PTPRT: variants seen among roughly 807,000 people sequenced by gnomAD.
PTPRT encodes the protein protein tyrosine phosphatase receptor type T.
A neutral mutation model predicts 176.8 loss-of-function variants in PTPRT; 56 were observed. The ratio of observed to expected loss-of-function variants is 0.32; its 90% CI spans 0.26 to 0.40. PTPRT has a LOEUF of 0.40. Among genes scored for constraint, PTPRT ranks in the 10% least tolerant of loss-of-function variants. The pLI is 1.00. For synonymous variants in PTPRT, 783 were observed against 739.0 expected, an observed-to-expected ratio of 1.06 and a Z score of -0.96; for missense variants, 1,540 against 1,908.2, an observed-to-expected ratio of 0.81 and a Z score of 3.60.
At chr20:42,345,364 TATAC>T (rs746322735) in intron 11 of PTPRT, among the ~76,000 whole-genome samples, 1,350 of 92,928 alleles carry the variant, frequency 0.015, 23 homozygotes, top group Non-Finnish European at 0.019. Flanking sequence ...TGAAGGCATA[TATAC>T]ACACACACAC....
intron 2 of PTPRT, among the ~76,000 whole-genome samples, chr20:42,871,191 A>C: frequency 6.6e-6 from 1 of 151,798 alleles, no homozygotes; most frequent in Middle Eastern, 3.2e-3. Flanking sequence ...ACCTCAGGTG[A>C]TCTGCCCACC....
intron 1 of PTPRT, among the ~76,000 whole-genome samples, chr20:43,064,850 G>A (rs1026072074): frequency 1.3e-5 from 2 of 152,156 alleles, no homozygotes; most frequent in African/African-American, 2.4e-5. Flanking sequence ...GATCCAACAG[G>A]CCGATAAATC....
rs375342770 is a variant in PTPRT, at chr20:43,127,219, G to T, written c.88+62427C>A. 2.0e-5 allele frequency among the ~76,000 whole-genome samples: 3 copies of T among 151,958 alleles called. No individual in the cohort carries two copies. In the East Asian group the frequency reaches 5.8e-4, roughly 29 times the overall value. On this transcript the variant is annotated intron_variant, in intron 1 of 30. Transcript: ENST00000373187. ...CGGGCGGATCACAAGGTCAGGAGAT[G>T]GAGACCATCCTGGCTAACATGGTGA...
chr20:42,105,237 T>C (rs1239378570), intron 24 of PTPRT, among the ~76,000 whole-genome samples: 5 of 152,232 alleles, frequency 3.3e-5, no homozygotes, highest in African/African-American at 1.2e-4. Context: ...GTCTACAGTG[T>C]TTAACAACTT....
intron 13 of PTPRT, among the ~76,000 whole-genome samples, chr20:42,256,186 A>G (rs752685251): frequency 4.6e-5 from 7 of 152,222 alleles, no homozygotes; most frequent in Admixed American, 6.5e-5. Context: ...ATGCTGGGCA[A>G]CTTTCTGGCT....
intron 7 of PTPRT, among the ~76,000 whole-genome samples, chr20:42,526,135 T>C (rs138905208): frequency 1.3e-3 from 193 of 152,216 alleles, no homozygotes; most frequent in African/African-American, 4.6e-3. Context: ...TTCTAAAGAG[T>C]GTTTCCCCAG....
At chr20:42,180,622 T>C (rs1351570994) in intron 16 of PTPRT, among the ~76,000 whole-genome samples, 3 of 152,212 alleles carry the variant, frequency 2.0e-5, no homozygotes. Flanking sequence ...TAAAAGTGCA[T>C]AATATGTCAG....
At chr20:42,634,754 G>T (rs749454883) in intron 7 of PTPRT, among the ~76,000 whole-genome samples, 78 of 152,180 alleles carry the variant, frequency 5.1e-4, no homozygotes, top group Non-Finnish European at 9.6e-4. Context: ...AGATGAGTTT[G>T]CTTCAAAATG....
At chr20:42,822,744 C>T (rs923481533) in intron 2 of PTPRT, among the ~76,000 whole-genome samples, 1 of 152,080 alleles carries the variant, frequency 6.6e-6, no homozygotes, top group African/African-American at 2.4e-5. Flanking sequence ...AGGATATGAA[C>T]AGACACTTCT....
chr20:42,350,233 T>G (rs868170801), intron 11 of PTPRT, among the ~76,000 whole-genome samples: 81 of 114,886 alleles, frequency 7.1e-4, no homozygotes, highest in African/African-American at 1.2e-3. Flanking sequence ...TTTTTTTTTT[T>G]TTTTTTTTTT....
chr20:42,935,536 T>C (rs1980133667), intron 1 of PTPRT, among the ~76,000 whole-genome samples: 1 of 152,154 alleles, frequency 6.6e-6, no homozygotes, highest in Non-Finnish European at 1.5e-5. Flanking sequence ...ACAGAGATTA[T>C]TGAGAGCCAT....
chr20:42,660,055 A>C (rs2075196062), intron 7 of PTPRT, among the ~76,000 whole-genome samples: 1 of 152,172 alleles, frequency 6.6e-6, no homozygotes, highest in African/African-American at 2.4e-5. Flanking sequence ...TGATCATCTG[A>C]ATTAAGTCGC....
intron 1 of PTPRT, among the ~76,000 whole-genome samples, chr20:43,115,189 G>A (rs1315360765): frequency 6.6e-6 from 1 of 152,046 alleles, no homozygotes; most frequent in Non-Finnish European, 1.5e-5. Flanking sequence ...CTCCTTCTTG[G>A]GAAAAGATGC....
intron 7 of PTPRT, among the ~76,000 whole-genome samples, chr20:42,632,713 T>A (rs1181299711): frequency 6.6e-6 from 1 of 150,660 alleles, no homozygotes; most frequent in Non-Finnish European, 1.5e-5. Flanking sequence ...TTAATATATA[T>A]CTTTTACTAT....
chr20:42,675,199 C>T (rs1306643824), intron 7 of PTPRT, among the ~76,000 whole-genome samples: 1 of 152,176 alleles, frequency 6.6e-6, no homozygotes, highest in Non-Finnish European at 1.5e-5. Flanking sequence ...TCCCTGATGC[C>T]CACTTCCACA....
chr20:43,032,517 T>G (rs571324431), intron 1 of PTPRT, among the ~76,000 whole-genome samples: 32 of 114,914 alleles, frequency 2.8e-4, no homozygotes, highest in African/African-American at 1.8e-3. Context: ...CTAATTAATC[T>G]GAGGGGGGAA....
At chr20:42,406,202 T>C (rs1340898571) in intron 9 of PTPRT, among the ~76,000 whole-genome samples, 5 of 152,020 alleles carry the variant, frequency 3.3e-5, no homozygotes, top group African/African-American at 1.2e-4. Context: ...TTATTTTCTT[T>C]TTAGCGAAGT....
intron 13 of PTPRT, chr20:42,270,275 G>T: frequency 1.3e-6 from 1 of 786,026 alleles, no homozygotes; most frequent in Non-Finnish European, 2.1e-6. Context: ...TGAATGGGTG[G>T]GGGGGTGGGT....
At chr20:43,165,180 C>T (rs1228503364) in intron 1 of PTPRT, among the ~76,000 whole-genome samples, 1 of 141,468 alleles carries the variant, frequency 7.1e-6, no homozygotes, top group Non-Finnish European at 1.5e-5. Flanking sequence ...TTTTTTGAGA[C>T]TGAGTTTTGC....
Sources: gnomAD v4.1 joint callset for allele counts (sites outside exome capture counted in the v4.1 genomes callset) on GRCh38, gnomAD v4.1.1 for gene constraint, MANE v1.5 for transcripts, NCBI Gene and HGNC (gene_info 2026-07-23, HGNC 2026-07-21) for gene names.